KCTD8: variants seen among roughly 807,000 people sequenced by gnomAD.
The protein encoded by KCTD8 is BTB/POZ domain-containing protein KCTD8.
Under a neutral mutation model 31.5 loss-of-function variants are expected in KCTD8, and 27 were observed. The ratio of observed to expected loss-of-function variants is 0.86; its 90% CI spans 0.63 to 1.18. The LOEUF is 1.18. Among genes scored for constraint, KCTD8 ranks in the 50% most tolerant of loss-of-function variants. KCTD8 has a pLI of 0.00. For synonymous variants in KCTD8, 290 were observed against 280.0 expected (o/e 1.04, Z -0.36); for missense variants, 658 against 647.7 (o/e 1.02, Z -0.17).
At chr4:44,287,661 C>A (rs1234665238) in intron 1 of KCTD8, among the ~76,000 whole-genome samples, 1 of 152,120 alleles carries the variant, frequency 6.6e-6, no homozygotes, top group Non-Finnish European at 1.5e-5. Context: ...ATAAATAGCA[C>A]CTAATCTAAG....
At chr4:44,247,384 G>C (rs1309348762) in intron 1 of KCTD8, among the ~76,000 whole-genome samples, 2 of 151,720 alleles carry the variant, frequency 1.3e-5, no homozygotes, top group Non-Finnish European at 1.5e-5. Flanking sequence ...TATCAACACT[G>C]TTTTTGCCAC....
intron 1 of KCTD8, among the ~76,000 whole-genome samples, chr4:44,278,917 C>A (rs1465536951): frequency 6.6e-6 from 1 of 152,024 alleles, no homozygotes; most frequent in African/African-American, 2.4e-5. Context: ...GCCAGGCTAT[C>A]TCCTATCTAT....
At chr4:44,294,331 C>A (rs1260632394) in intron 1 of KCTD8, among the ~76,000 whole-genome samples, 1 of 152,108 alleles carries the variant, frequency 6.6e-6, no homozygotes, top group African/African-American at 2.4e-5. Flanking sequence ...TGCCTATGAG[C>A]CACCAAAGCA....
At chr4:44,186,952 A>T (rs560049536) in intron 1 of KCTD8, among the ~76,000 whole-genome samples, 1 of 150,988 alleles carries the variant, frequency 6.6e-6, no homozygotes, top group East Asian at 2.0e-4. Context: ...ATTTTGTTTT[A>T]ACCAAAATAT....
intron 1 of KCTD8, among the ~76,000 whole-genome samples, chr4:44,409,645 G>C (rs770782909): frequency 2.8e-4 from 43 of 151,952 alleles, no homozygotes; most frequent in South Asian, 1.7e-3. Flanking sequence ...AATTGACAAA[G>C]GTCACTGAAC....
chr4:44,231,782 G>C (rs184706310), intron 1 of KCTD8, among the ~76,000 whole-genome samples: 6,485 of 150,236 alleles, frequency 0.043, 193 homozygotes, highest in Non-Finnish European at 0.048. Context: ...ATCTCACTGT[G>C]TCTCTCTCTC....
At chr4:44,390,944 C>T (rs1056426105) in intron 1 of KCTD8, among the ~76,000 whole-genome samples, 7 of 151,936 alleles carry the variant, frequency 4.6e-5, no homozygotes, top group African/African-American at 1.7e-4. Flanking sequence ...TAGGTATCTA[C>T]CCAGAGGAAA....
At chr4:44,188,212 G>A (rs189830591) in intron 1 of KCTD8, among the ~76,000 whole-genome samples, 3 of 152,212 alleles carry the variant, frequency 2.0e-5, no homozygotes, top group Non-Finnish European at 4.4e-5. Context: ...TATGAGTGCC[G>A]CTTCTTTTCA....
intron 1 of KCTD8, among the ~76,000 whole-genome samples, chr4:44,274,628 T>C (rs1716700415): frequency 1.3e-5 from 2 of 151,910 alleles, no homozygotes; most frequent in Admixed American, 1.3e-4. Context: ...TGTTAAAATT[T>C]ATATAGTCAT....
chr4:44,346,129 T>C (rs1413961186), intron 1 of KCTD8, among the ~76,000 whole-genome samples: 1 of 152,188 alleles, frequency 6.6e-6, no homozygotes, highest in Non-Finnish European at 1.5e-5. Flanking sequence ...TAGAGATCAA[T>C]ATGATCCCAC....
intron 1 of KCTD8, among the ~76,000 whole-genome samples, chr4:44,219,350 T>C (rs555845929): frequency 5.9e-5 from 9 of 152,222 alleles, no homozygotes; most frequent in Non-Finnish European, 1.3e-4. Flanking sequence ...TACCTGACAA[T>C]GTGATCTTAT....
intron 1 of KCTD8, among the ~76,000 whole-genome samples, chr4:44,445,879 T>C (rs1211682971): frequency 1.3e-5 from 2 of 152,206 alleles, no homozygotes; most frequent in African/African-American, 2.4e-5. Context: ...AGAAATAAAA[T>C]GGTGCTAAAA....
At chr4:44,418,972 A>C (rs1401109874) in intron 1 of KCTD8, among the ~76,000 whole-genome samples, 2 of 152,196 alleles carry the variant, frequency 1.3e-5, no homozygotes, top group Admixed American at 1.3e-4. Flanking sequence ...TAAAACTCAA[A>C]TTATTTTACT....
At chr4:44,178,570 G>A (rs998865089) in intron 1 of KCTD8, among the ~76,000 whole-genome samples, 4 of 151,968 alleles carry the variant, frequency 2.6e-5, no homozygotes, top group African/African-American at 9.7e-5. Context: ...ATGACTAAAG[G>A]ATTAAACTGC....
At chr4:44,379,131 G>T (rs1453011791) in intron 1 of KCTD8, among the ~76,000 whole-genome samples, 1 of 152,016 alleles carries the variant, frequency 6.6e-6, no homozygotes, top group Admixed American at 6.6e-5. Flanking sequence ...TCCTTAACTT[G>T]AACCATTTGC....
At chr4:44,271,512 A>C (rs1415718187) in intron 1 of KCTD8, among the ~76,000 whole-genome samples, 4 of 152,094 alleles carry the variant, frequency 2.6e-5, no homozygotes, top group Non-Finnish European at 5.9e-5. Flanking sequence ...ACTGGTCCCA[A>C]AACTGGCCAT....
intron 1 of KCTD8, among the ~76,000 whole-genome samples, chr4:44,253,893 C>A (rs1715917022): frequency 2.6e-5 from 4 of 151,744 alleles, no homozygotes; most frequent in Admixed American, 2.0e-4. Flanking sequence ...GCTGCTGTAA[C>A]CAAACCCTAA....
chr4:44,187,446 G>A (rs972813447), intron 1 of KCTD8, among the ~76,000 whole-genome samples: 1 of 152,150 alleles, frequency 6.6e-6, no homozygotes, highest in African/African-American at 2.4e-5. Flanking sequence ...AGATGCCTAG[G>A]CTCCTTTTGG....
intron 1 of KCTD8, among the ~76,000 whole-genome samples, chr4:44,285,711 C>T (rs1416189739): frequency 6.6e-6 from 1 of 152,100 alleles, no homozygotes; most frequent in Non-Finnish European, 1.5e-5. Context: ...TTCCCGCCTG[C>T]TAACACAACA....
Sources: allele counts gnomAD v4.1 joint callset (sites outside exome capture counted in the v4.1 genomes callset), GRCh38; gene constraint gnomAD v4.1.1; transcripts MANE v1.5; gene names NCBI Gene and HGNC (gene_info 2026-07-23, HGNC 2026-07-21).